CDHR2: variants seen among roughly 807,000 people sequenced by gnomAD.
The protein encoded by CDHR2 is cadherin related family member 2.
CDHR2 carries 104 observed loss-of-function variants against 138.6 expected under a neutral mutation model. That is an observed-to-expected ratio of 0.75 (90% CI 0.64 to 0.88). The LOEUF is 0.88. Among genes scored for constraint, CDHR2 ranks in the 40% least tolerant of loss-of-function variants. The pLI is 0.00. For missense variants in CDHR2, 1,624 were observed against 1,727.6 expected (o/e 0.94, Z 1.06); for synonymous variants, 755 against 742.8 (o/e 1.02, Z -0.27).
At chr5:176,550,390 C>G (rs903200410) in intron 1 of CDHR2, among the ~76,000 whole-genome samples, 1 of 152,122 alleles carries the variant, frequency 6.6e-6, no homozygotes, top group Non-Finnish European at 1.5e-5. Context: ...CGGGGAGCTG[C>G]GTGCTCAGGT....
In CDHR2 at chr5:176,543,590, C is replaced by G. The variant is rs1297078246; in HGVS notation, c.-16+821C>G. 6.6e-6 allele frequency: 1 copy of G among 152,244 alleles called. No homozygotes were observed. Among genetic ancestry groups the G allele is most frequent in the Admixed American group, 6.5e-5 (1 of 15,284 alleles). 9.4% of individuals were successfully genotyped at this position (152,244 alleles called of 1,614,324 possible). ...GCGGCGCCTGGGGCCTGGCAGCCTCCGTGACCTTGGAGGAGTGACTTCGTT... is the reference window on the plus strand; with the variant it reads ...GCGGCGCCTGGGGCCTGGCAGCCTCGGTGACCTTGGAGGAGTGACTTCGTT... On this transcript the variant is annotated intron_variant, in intron 1 of 31. Transcript: ENST00000510636. This position sits in a 1 kb window ranked among gnomAD's most constrained non-coding sequence, Gnocchi z 4.0.
upstream of CDHR2, among the ~76,000 whole-genome samples, chr5:176,544,364 TTC>T (rs1757534366): frequency 2.5e-5 from 2 of 79,022 alleles, no homozygotes; most frequent in Non-Finnish European, 5.0e-5. Flanking sequence ...TTTCTTTTCT[TTC>T]TTTCTTTCCT....
upstream of CDHR2, among the ~76,000 whole-genome samples, chr5:176,548,077 A>T (rs1010270444): frequency 1.3e-5 from 2 of 152,264 alleles, no homozygotes; most frequent in Middle Eastern, 3.4e-3. Context: ...CTGCTAACCT[A>T]TGCAGCCTGG....
chr5:176,564,788 T>TGTGTG (rs1758042553), intron 1 of CDHR2, among the ~76,000 whole-genome samples: 4 of 152,156 alleles, frequency 2.6e-5, no homozygotes, highest in African/African-American at 9.6e-5. Flanking sequence ...CCACTAGATG[T>TGTGTG]ATCAGCAGGT....
At chr5:176,585,848 G>GAGGC in intron 19 of CDHR2, 106 bp from the exon 20 acceptor site, 1 of 872,488 alleles carries the variant, frequency 1.1e-6, no homozygotes, top group Non-Finnish European at 1.9e-6. Flanking sequence ...GCACGGGGTT[G>GAGGC]AGGCTGCGGG....
rs1757763439 is a variant in CDHR2 at position 176,553,808 on chromosome 5, A to G, written c.-16+4394A>G. Among the ~76,000 whole-genome samples the G allele has an allele frequency of 6.6e-6, 1 of 151,746 alleles. No homozygotes were observed. The highest frequency in any genetic ancestry group is 2.4e-5 in the African/African-American group (1 of 41,224). On this transcript the variant is annotated intron_variant, in intron 1 of 31. Transcript: ENST00000261944. The surrounding 1 kb of genome is among the most constrained non-coding windows in gnomAD (Gnocchi z 4.3). ...CACCTTCATCAGCACACACATCATCAGCATGTCCGTCCCTACTTACCACCA... is the reference window on the plus strand; with the variant it reads ...CACCTTCATCAGCACACACATCATCGGCATGTCCGTCCCTACTTACCACCA...
At chr5:176,590,819 C>A (rs1282420397) in intron 28 of CDHR2, 132 bp downstream of exon 28, 7 of 1,247,132 alleles carry the variant, frequency 5.6e-6, no homozygotes, top group South Asian at 4.1e-5. Flanking sequence ...TGACCCAGTG[C>A]GAGATCTTGG....
rs201617554 is a variant in CDHR2 at position 176,556,055 on chromosome 5, C to T, written c.-16+6641C>T. On this transcript the variant is annotated intron_variant, in intron 1 of 31. Coordinates refer to ENST00000261944, the MANE Select transcript of CDHR2 (RefSeq NM_017675.6). ...CTCCCTCCCATGATTCCCCACCTCT[C>T]TCCCTGCAACCCAGCCACAGGGACC... Among the ~76,000 whole-genome samples the T allele has an allele frequency of 1.2e-4, 18 of 152,356 alleles. No individual in the cohort carries two copies. The East Asian group carries it at 3.3e-3, about 28-fold the overall frequency.
intron 24 of CDHR2, 69 bp from the exon 25 acceptor site, chr5:176,590,009 A>C: frequency 7.8e-7 from 1 of 1,280,124 alleles, no homozygotes; most frequent in Non-Finnish European, 1.1e-6. Context: ...TCTTAATCCC[A>C]CTGGCACAGC....
chr5:176,577,279 G>C, intron 12 of CDHR2, 120 bp from the exon 13 acceptor site: 1 of 1,099,010 alleles, frequency 9.1e-7, no homozygotes, highest in Non-Finnish European at 1.3e-6. Flanking sequence ...TCTTTTGAGA[G>C]CCCCCTTCCA....
At chr5:176,593,485 G>A (rs1400498609) in intron 31 of CDHR2, among the ~76,000 whole-genome samples, 1 of 152,244 alleles carries the variant, frequency 6.6e-6, no homozygotes, top group Non-Finnish European at 1.5e-5. Flanking sequence ...GAGCGGGTCA[G>A]CAGGCTGAGT....
chr5:176,566,487 T>C (rs1044744248), intron 3 of CDHR2, among the ~76,000 whole-genome samples: 4 of 152,164 alleles, frequency 2.6e-5, no homozygotes, highest in African/African-American at 9.7e-5. Flanking sequence ...GGACCCCAAA[T>C]AACAGAGATG....
Position 176,591,692 on chromosome 5 carries a change from A to T in CDHR2, c.3734+208A>T, listed in dbSNP as rs532418491. 10 of 566,176 alleles carry T rather than the reference A, an allele frequency of 1.8e-5. 1 individual carries two copies. The highest frequency in any genetic ancestry group is 5.6e-5 in the Admixed American group (2 of 35,620). 35.1% of individuals were successfully genotyped at this position (566,176 alleles called of 1,614,324 possible). On this transcript the variant is annotated intron_variant, in intron 30 of 31. Coordinates refer to ENST00000261944, the MANE Select transcript of CDHR2 (RefSeq NM_017675.6). ...GACAGTGGTGATGATGACAACAATG[A>T]TGGTGGTGATGATGGTGTTGGTGTT...
chr5:176,550,018 G>A (rs1757670927), intron 1 of CDHR2, among the ~76,000 whole-genome samples: 1 of 152,324 alleles, frequency 6.6e-6, no homozygotes, highest in African/African-American at 2.4e-5. Flanking sequence ...GCTCTGCCCA[G>A]TCCGGGCCTT....
chr5:176,579,259 C>G (rs1474752567), intron 16 of CDHR2, among the ~76,000 whole-genome samples: 1 of 152,232 alleles, frequency 6.6e-6, no homozygotes, highest in African/African-American at 2.4e-5. Context: ...ACAGAGCCCT[C>G]CCGTCTTTCC....
chr5:176,577,455 C>T lies in CDHR2; in HGVS notation c.1251C>T (p.Ser417=), dbSNP rs776668902. ...SLGGPDAEAF[S]VSPERAVGSA... is the part of the protein sequence containing the mutation. Reference sequence around the variant, plus strand: ...GGGGCCCCGATGCAGAAGCCTTCAGCGTCTCCCCGGAGCGGGCAGTGGGCT... The same window carrying T: ...GGGGCCCCGATGCAGAAGCCTTCAGTGTCTCCCCGGAGCGGGCAGTGGGCT... The change falls in exon 13 of 32, where the codon AGC becomes AGT. Residue 417 remains serine (S), a synonymous_variant. Transcript: ENST00000261944. 21 of 1,610,056 alleles carry T rather than the reference C, an allele frequency of 1.3e-5. No homozygotes were observed. The highest frequency in any genetic ancestry group is 3.3e-4 in the Middle Eastern group (2 of 6,054).
chr5:176,595,707 G>T lies in CDHR2; in HGVS notation c.*35G>T, dbSNP rs747522280. Reference sequence around the variant, plus strand: ...CCACTCTTCTGGACCCCTTGAAGAGGCCCTACCACACCCTAACTGCACCTG... The same window carrying T: ...CCACTCTTCTGGACCCCTTGAAGAGTCCCTACCACACCCTAACTGCACCTG... On this transcript the variant is annotated 3_prime_UTR_variant, in exon 32 of 32. Transcript: ENST00000261944. 9 of 1,499,348 alleles carry T rather than the reference G, an allele frequency of 6.0e-6. No homozygotes were observed. The South Asian group carries it at 1.2e-4, about 20-fold the overall frequency. 92.9% of individuals were successfully genotyped at this position (1,499,348 alleles called of 1,614,324 possible). A position where few individuals can be genotyped will look rare whatever the true frequency, so the allele number is the denominator to read the frequency against.
intron 30 of CDHR2, chr5:176,591,749 TGGTGATGA>T: frequency 5.8e-6 from 1 of 172,842 alleles, no homozygotes; most frequent in Admixed American, 8.9e-5. Flanking sequence ...ATGGTGATGG[TGGTGATGA>T]TGGTGATGAT....
At chr5:176,585,530 T>C (rs1758637883) in intron 19 of CDHR2, among the ~76,000 whole-genome samples, 1 of 152,160 alleles carries the variant, frequency 6.6e-6, no homozygotes, top group Admixed American at 6.5e-5. Flanking sequence ...AGAAAGTGGG[T>C]ATTTAAACAA....
Sources: allele counts gnomAD v4.1 joint callset (sites outside exome capture counted in the v4.1 genomes callset), GRCh38; gene constraint gnomAD v4.1.1; non-coding constraint Gnocchi (gnomAD v3.1); transcripts MANE v1.5; gene names NCBI Gene and HGNC (gene_info 2026-07-23, HGNC 2026-07-21).